KAT2B: variants seen among roughly 807,000 people sequenced by gnomAD.
KAT2B encodes the protein histone acetyltransferase KAT2B.
Under a neutral mutation model 105.9 loss-of-function variants are expected in KAT2B, and 36 were observed. The ratio of observed to expected loss-of-function variants is 0.34; its 90% CI spans 0.26 to 0.45. KAT2B has a LOEUF of 0.45. Ranked by LOEUF, KAT2B falls within the 20% of genes least tolerant of loss-of-function variation. The pLI is 1.00. For missense variants in KAT2B, 820 were observed against 1,021.6 expected, an observed-to-expected ratio of 0.80 and a Z score of 2.69; for synonymous variants, 397 against 377.9, an observed-to-expected ratio of 1.05 and a Z score of -0.59.
At chr3:20,065,082 A>G (rs1698200994) in intron 1 of KAT2B, among the ~76,000 whole-genome samples, 2 of 152,168 alleles carry the variant, frequency 1.3e-5, no homozygotes, top group Admixed American at 6.5e-5. Flanking sequence ...TCTGCATACT[A>G]TAACAACATC....
At chr3:20,119,498 G>A in intron 7 of KAT2B, 100 bp from the exon 8 acceptor site, 1 of 1,197,464 alleles carries the variant, frequency 8.4e-7, no homozygotes, top group Admixed American at 1.9e-5. Flanking sequence ...TTATTTTGTG[G>A]CATTGGGCAG....
At chr3:20,056,921 G>A (rs570790826) in intron 1 of KAT2B, among the ~76,000 whole-genome samples, 1 of 152,288 alleles carries the variant, frequency 6.6e-6, no homozygotes, top group African/African-American at 2.4e-5. Flanking sequence ...ACATGATTTG[G>A]ACTGCAATTG....
intron 5 of KAT2B, among the ~76,000 whole-genome samples, chr3:20,105,852 T>C (rs560441799): frequency 6.6e-6 from 1 of 151,932 alleles, no homozygotes; most frequent in Non-Finnish European, 1.5e-5. Context: ...CATAGCAAGT[T>C]AGCTAGAACT....
At chr3:20,122,534 T>TCAC (rs1699328533) in intron 8 of KAT2B, 134 bp from the exon 9 acceptor site, 1 of 601,562 alleles carries the variant, frequency 1.7e-6, no homozygotes, top group Admixed American at 3.1e-5. Context: ...TCTTCCTTTG[T>TCAC]CACCCCTTCC....
chr3:20,096,436 A>G (rs1223794391), intron 3 of KAT2B, among the ~76,000 whole-genome samples: 1 of 152,150 alleles, frequency 6.6e-6, no homozygotes, highest in Non-Finnish European at 1.5e-5. Flanking sequence ...AAATAGATCT[A>G]TAAAGGAGGC....
intron 1 of KAT2B, among the ~76,000 whole-genome samples, chr3:20,044,086 AAAG>A (rs1697764575): frequency 6.6e-6 from 1 of 152,072 alleles, no homozygotes; most frequent in Non-Finnish European, 1.5e-5. Context: ...AAAAAAGAAA[AAAG>A]AAAAGAAACA....
At chr3:20,075,213 G>A (rs1331788452) in intron 2 of KAT2B, among the ~76,000 whole-genome samples, 1 of 151,946 alleles carries the variant, frequency 6.6e-6, no homozygotes, top group African/African-American at 2.4e-5. Context: ...GTAGTGAGCC[G>A]AGATTGCACC....
At position 20,146,445 on chromosome 3, in the gene KAT2B, T is replaced by A; in HGVS notation, c.2119+15T>A. The A allele has an allele frequency of 6.7e-7, 1 of 1,498,568 alleles. No homozygotes were observed. The highest frequency in any genetic ancestry group is 2.3e-5 in the East Asian group (1 of 44,222). The allele number at this position is 1,498,568 out of a possible 1,614,324, so 92.8% of individuals were successfully genotyped here. ...TCCTGGAATTAGTACGTATAGACCT[T>A]CTTTTAAAAGCGAAATTTTTTAGTA... On this transcript the variant is annotated intron_variant, in intron 14 of 17. Coordinates refer to ENST00000263754, the MANE Select transcript of KAT2B (RefSeq NM_003884.5).
At chr3:20,097,547 A>G (rs1286389652) in intron 3 of KAT2B, among the ~76,000 whole-genome samples, 4 of 152,094 alleles carry the variant, frequency 2.6e-5, no homozygotes, top group Admixed American at 6.6e-5. Flanking sequence ...TTTAATTTTA[A>G]CTTTTTTGAG....
intron 17 of KAT2B, among the ~76,000 whole-genome samples, chr3:20,149,830 ATATGT>A (rs1699841493): frequency 6.6e-6 from 1 of 152,194 alleles, no homozygotes; most frequent in South Asian, 2.1e-4. Flanking sequence ...TATGTGCAAA[ATATGT>A]TAAAACTCTT....
intron 1 of KAT2B, among the ~76,000 whole-genome samples, chr3:20,043,509 G>T (rs188716828): frequency 4.0e-3 from 614 of 152,252 alleles, no homozygotes; most frequent in African/African-American, 0.014. Flanking sequence ...CCTGGAGGAA[G>T]TGTCAGTGGC....
intron 7 of KAT2B, 83 bp from the exon 8 acceptor site, chr3:20,119,515 G>A (rs953759798): frequency 3.5e-6 from 5 of 1,448,192 alleles, no homozygotes; most frequent in Non-Finnish European, 4.8e-6. Context: ...GCAGGAGTGG[G>A]GTGGTCCCAT....
chr3:20,144,284 T>G (rs78375065), intron 13 of KAT2B, among the ~76,000 whole-genome samples: 3 of 57,146 alleles, frequency 5.2e-5, no homozygotes, highest in African/African-American at 1.4e-4. Context: ...TTCTTTTTTT[T>G]TTTTTTTTTT....
At chr3:20,059,140 A>G (rs926916675) in intron 1 of KAT2B, among the ~76,000 whole-genome samples, 6 of 152,072 alleles carry the variant, frequency 3.9e-5, no homozygotes, top group African/African-American at 1.4e-4. Flanking sequence ...CTTGCTGGGC[A>G]TGTGGCTCAC....
intron 1 of KAT2B, among the ~76,000 whole-genome samples, chr3:20,059,018 T>A (rs987920262): frequency 6.6e-6 from 1 of 152,220 alleles, no homozygotes; most frequent in African/African-American, 2.4e-5. Flanking sequence ...GCACTACTCC[T>A]AATTACATCA....
At chr3:20,099,757 G>T in intron 3 of KAT2B, 105 bp from the exon 4 acceptor site, 1 of 611,420 alleles carries the variant, frequency 1.6e-6, no homozygotes, top group Non-Finnish European at 3.0e-6. Flanking sequence ...GTGTGTGTGT[G>T]TAAGAGAGAG....
At chr3:20,073,911 G>T (rs1698373112) in intron 2 of KAT2B, among the ~76,000 whole-genome samples, 1 of 152,152 alleles carries the variant, frequency 6.6e-6, no homozygotes, top group Admixed American at 6.5e-5. Flanking sequence ...TTTAAAACAG[G>T]ATCTTCTTTC....
At chr3:20,040,876 C>G in intron 1 of KAT2B, 96 bp downstream of exon 1, 1 of 1,368,148 alleles carries the variant, frequency 7.3e-7, no homozygotes, top group Non-Finnish European at 9.5e-7. Flanking sequence ...CCTCCCGCCT[C>G]CTGCCTCTCG....
chr3:20,106,979 G>GTA (rs869172127), intron 5 of KAT2B, among the ~76,000 whole-genome samples: 989 of 33,382 alleles, frequency 0.03, 7 homozygotes, highest in Middle Eastern at 0.062. Flanking sequence ...ATATATATAT[G>GTA]TATATATATA....
Sources: allele counts gnomAD v4.1 joint callset (sites outside exome capture counted in the v4.1 genomes callset), GRCh38; gene constraint gnomAD v4.1.1; transcripts MANE v1.5; gene names NCBI Gene and HGNC (gene_info 2026-07-23, HGNC 2026-07-21).